Variants in LRRK2 observed in about 807,000 individuals in gnomAD.
The protein encoded by LRRK2 is leucine rich repeat kinase 2.
Under a neutral mutation model 302.6 loss-of-function variants are expected in LRRK2, and 203 were observed. That is an observed-to-expected ratio of 0.67 (90% CI 0.60 to 0.75). LRRK2 has a LOEUF of 0.75. LRRK2 is among the 30% of genes least tolerant of loss of function. The pLI is 0.00. For missense variants in LRRK2, 2,830 were observed against 2,951.0 expected (o/e 0.96, Z 0.95); for synonymous variants, 1,066 against 1,031.9 (o/e 1.03, Z -0.63).
chr12:40,346,707 A>G, intron 41 of LRRK2, 46 bp from the exon 42 acceptor site: 1 of 1,577,902 alleles, frequency 6.3e-7, no homozygotes, highest in Non-Finnish European at 8.7e-7. Flanking sequence ...TGGATGTATG[A>G]GCCCTGATGT....
chr12:40,285,771 C>A (rs1214326365), intron 19 of LRRK2, among the ~76,000 whole-genome samples: 4 of 151,576 alleles, frequency 2.6e-5, no homozygotes, highest in Non-Finnish European at 4.4e-5. Context: ...AAACGTGGAG[C>A]AAATTTAATG....
chr12:40,247,174 T>G (rs1216128881), intron 7 of LRRK2, among the ~76,000 whole-genome samples: 1 of 152,180 alleles, frequency 6.6e-6, no homozygotes, highest in Non-Finnish European at 1.5e-5. Flanking sequence ...TCTAGTATCA[T>G]GATTATATCC....
chr12:40,261,608 G>A (rs918963627), intron 13 of LRRK2, among the ~76,000 whole-genome samples: 2 of 151,988 alleles, frequency 1.3e-5, no homozygotes, highest in Non-Finnish European at 2.9e-5. Context: ...TGTACCCAAC[G>A]TAATGTACCA....
intron 50 of LRRK2, 34 bp downstream of exon 50, chr12:40,367,111 G>A (rs1195985107): frequency 6.8e-7 from 1 of 1,475,738 alleles, no homozygotes; most frequent in East Asian, 2.3e-5. Context: ...TTCCAAACAG[G>A]GCAATGATGT....
rs200418197 is a variant in LRRK2, at chr12:40,367,754, T to C, written c.7573T>C (p.Ser2525Pro). 49 of 1,605,038 alleles carry C rather than the reference T, an allele frequency of 3.1e-5. No individual in the cohort carries two copies. In the South Asian group the frequency reaches 4.9e-4, roughly 16 times the overall value. Residue 2525 changes from serine to proline, a missense_variant, in exon 51 of 51, where the codon TCT becomes CCT. This residue lies in a region of LRRK2 where 456 missense variants were observed against 456.3 expected (regional missense o/e 1.00). Transcript: ENST00000298910. ...KELAEKMRRTSVE is the reference protein window; with the variant it reads ...KELAEKMRRTPVE Reference sequence around the variant, plus strand: ...ATTAGCTGAAAAAATGAGACGAACATCTGTTGAGTAAGAGAGAAATAGGAA... The same window carrying C: ...ATTAGCTGAAAAAATGAGACGAACACCTGTTGAGTAAGAGAGAAATAGGAA...
rs186665868 is a variant in LRRK2 at position 40,364,994 on chromosome 12, T to C, written c.7334T>C (p.Ile2445Thr). Residue 2445 changes from isoleucine to threonine, a missense_variant, in exon 49 of 51, where the codon ATA (isoleucine) becomes ACA (threonine). Physicochemically the swap from Ile to Thr is moderately conservative, Grantham distance 89. Around this residue, in one of 3 missense-constraint regions of LRRK2, gnomAD observed 456 missense variants for 456.3 expected, o/e 1.00. Transcript: ENST00000298910. ...LLLDLSTRRLIRVIYNFCNSV... is the reference protein window; with the variant it reads ...LLLDLSTRRLTRVIYNFCNSV... Reference sequence around the variant, plus strand: ...CTGGATCTTTCAACTCGTCGACTTATACGTGTAATTTACAACTTTTGTAAT... The same window carrying C: ...CTGGATCTTTCAACTCGTCGACTTACACGTGTAATTTACAACTTTTGTAAT... 5.6e-6 allele frequency: 9 copies of C among 1,612,666 alleles called. No individual in the cohort carries two copies. The highest frequency in any genetic ancestry group is 1.7e-4 in the Middle Eastern group (1 of 6,046).
intron 25 of LRRK2, 75 bp downstream of exon 25, chr12:40,299,332 A>C: frequency 6.7e-7 from 1 of 1,496,882 alleles, no homozygotes; most frequent in South Asian, 1.2e-5. Flanking sequence ...TGGACCCTTT[A>C]GTTGTGGATT....
At chr12:40,295,356 C>A in intron 22 of LRRK2, 71 bp from the exon 23 acceptor site, 1 of 1,404,206 alleles carries the variant, frequency 7.1e-7, no homozygotes, top group Non-Finnish European at 9.9e-7. Context: ...AGGAGGTGCT[C>A]ACTAAACTTT....
intron 2 of LRRK2, chr12:40,227,742 C>CTGGAGAGCAG (rs1369098318): frequency 6.6e-6 from 1 of 152,244 alleles, no homozygotes; most frequent in Non-Finnish European, 1.5e-5. Flanking sequence ...GTTGCCCAGA[C>CTGGAGAGCAG]TGGAGAGCAG....
chr12:40,235,797 T>G (rs1321522859), intron 4 of LRRK2, 83 bp downstream of exon 4: 37 of 606,674 alleles, frequency 6.1e-5, no homozygotes, highest in South Asian at 1.7e-4. Flanking sequence ...GTGTGTGTTT[T>G]TTTTTTTTTT....
rs1474186771 is a variant in LRRK2, at chr12:40,299,195, C to T, written c.3434C>T (p.Ser1145Leu). 1.2e-6 allele frequency: 2 copies of T among 1,613,554 alleles called. No individual in the cohort carries two copies. The highest frequency in any genetic ancestry group is 1.7e-6 in the Non-Finnish European group (2 of 1,179,802). The change falls in exon 25 of 51, where the codon TCA becomes TTA. Residue 1145 changes from serine to leucine, a missense_variant. Physicochemically the swap from Ser to Leu is moderately radical, Grantham distance 145. Around this residue, in one of 3 missense-constraint regions of LRRK2, gnomAD observed 2,121 missense variants for 2,148.0 expected, o/e 0.99. Transcript: ENST00000298910. ...NLSKNHISSL[S>L]ENFLEACPKV... ...AGTAAGAACCACATTTCATCCCTATCAGAGAACTTTCTTGAGGCTTGTCCT... is the reference window on the plus strand; with the variant it reads ...AGTAAGAACCACATTTCATCCCTATTAGAGAACTTTCTTGAGGCTTGTCCT...
chr12:40,364,963 T>A lies in LRRK2; in HGVS notation c.7303T>A (p.Leu2435Ile). 3.7e-6 allele frequency: 6 copies of A among 1,612,712 alleles called. No individual in the cohort carries two copies. The highest frequency in any genetic ancestry group is 5.1e-6 in the Non-Finnish European group (6 of 1,179,158). Residue 2435 changes from leucine to isoleucine, a missense_variant, in exon 49 of 51, where the codon TTA becomes ATA. Coordinates refer to ENST00000298910, the MANE Select transcript of LRRK2 (RefSeq NM_198578.4). ...LWIGTGGGHI[L>I]LLDLSTRRLI... ...GATAGGAACTGGAGGAGGCCATATT[T>A]TACTCCTGGATCTTTCAACTCGTCG...
At chr12:40,340,495 G>A in intron 41 of LRRK2, 41 bp downstream of exon 41, 2 of 1,603,232 alleles carry the variant, frequency 1.2e-6, no homozygotes, top group East Asian at 2.2e-5. Context: ...TCTTCAGGAT[G>A]GATAACCACT....
chr12:40,321,250 T>C, intron 35 of LRRK2, 62 bp downstream of exon 35: 1 of 1,471,002 alleles, frequency 6.8e-7, no homozygotes, highest in Non-Finnish European at 9.3e-7. Flanking sequence ...TTATTAATTT[T>C]TAGAGAAATT....
intron 2 of LRRK2, among the ~76,000 whole-genome samples, 186 bp from the exon 3 acceptor site, chr12:40,232,088 T>C (rs868772215): frequency 2.0e-5 from 3 of 152,166 alleles, no homozygotes; most frequent in Non-Finnish European, 4.4e-5. Flanking sequence ...GAGAAAGGTG[T>C]ATCCTAAGAA....
At position 40,283,933 on chromosome 12, in the gene LRRK2, G is replaced by A. The variant is rs200861727; in HGVS notation, c.2300G>A (p.Arg767His). 44 of 1,613,584 alleles carry A rather than the reference G, an allele frequency of 2.7e-5. No homozygotes were observed. The South Asian group carries it at 2.7e-4, about 10-fold the overall frequency. The change falls in exon 19 of 51, where the codon CGT (arginine) becomes CAT (histidine). Residue 767 changes from arginine (R) to histidine (H), a missense_variant. Physicochemically the swap from Arg to His is conservative, Grantham distance 29. Coordinates refer to ENST00000298910, the MANE Select transcript of LRRK2 (RefSeq NM_198578.4). The part of the protein sequence containing the change: ...LVELLLNSGS[R>H]EQDVRKALTI... ...GAACTCTTACTGAATAGTGGATCTC[G>A]TGAACAAGATGTACGAAAAGCGTTG...
rs529093461 is a variant in LRRK2, at chr12:40,281,075, A to C, written c.2242-2800A>C. On this transcript the variant is annotated intron_variant, in intron 18 of 50. Coordinates refer to ENST00000298910, the MANE Select transcript of LRRK2 (RefSeq NM_198578.4). ...AGAGTGAGACTCCGTCTCAAAAAAA[A>C]AAAAAACAAAAAACGAACCAACCAA... Among the ~76,000 whole-genome samples, 6 of 151,774 alleles carry C rather than the reference A, an allele frequency of 4.0e-5. No homozygotes were observed. In the East Asian group the frequency reaches 9.7e-4, roughly 24 times the overall value.
At chr12:40,288,554 T>C (rs1944018889) in intron 20 of LRRK2, among the ~76,000 whole-genome samples, 1 of 151,900 alleles carries the variant, frequency 6.6e-6, no homozygotes, top group Admixed American at 6.6e-5. Context: ...TACTATGTTC[T>C]ACCCCCACCA....
chr12:40,291,433 T>TATATATATATAATAAA (rs1944154812), intron 20 of LRRK2, among the ~76,000 whole-genome samples: 1 of 72,694 alleles, frequency 1.4e-5, no homozygotes, highest in Non-Finnish European at 3.4e-5. Context: ...TATAATAAAA[T>TATATATATATAATAAA]ATATATATAT....
Sources: allele counts gnomAD v4.1 joint callset (sites outside exome capture counted in the v4.1 genomes callset), GRCh38; gene constraint gnomAD v4.1.1; regional missense constraint gnomAD v4.1.1; transcripts MANE v1.5; gene names NCBI Gene and HGNC (gene_info 2026-07-23, HGNC 2026-07-21).